TBC1D16: variants seen among roughly 807,000 people sequenced by gnomAD.
TBC1D16 encodes the protein CTD-2529O21.1.
TBC1D16 carries 58 observed loss-of-function variants against 74.7 expected under a neutral mutation model. The observed-to-expected ratio is 0.78, with a 90% CI of 0.63 to 0.97. TBC1D16 has a LOEUF of 0.97. Ranked by LOEUF, TBC1D16 falls within the 50% of genes least tolerant of loss-of-function variation. The probability of loss-of-function intolerance (pLI) is 0.00; values close to 1 mark genes in which losing one functional copy is unlikely to be tolerated. For synonymous variants in TBC1D16, 493 were observed against 474.7 expected, an observed-to-expected ratio of 1.04 and a Z score of -0.50; for missense variants, 1,014 against 1,079.5, an observed-to-expected ratio of 0.94 and a Z score of 0.85.
At chr17:79,960,921 G>C (rs2033587263) in intron 3 of TBC1D16, among the ~76,000 whole-genome samples, 1 of 151,568 alleles carries the variant, frequency 6.6e-6, no homozygotes, top group South Asian at 2.1e-4. Context: ...CTGTTTGGCA[G>C]TGTCTTATAA....
At chr17:79,952,518 G>T in intron 4 of TBC1D16, 139 bp downstream of exon 4, 1 of 1,097,292 alleles carries the variant, frequency 9.1e-7, no homozygotes, top group Non-Finnish European at 1.3e-6. Context: ...ATCAGCGAGG[G>T]AGGAAAGCAG....
Position 79,972,100 on chromosome 17 carries a change from G to A in TBC1D16, c.780-19282C>T, listed in dbSNP as rs151322326. ...AGGCTGAAGCAGCCCAGTGTCCATC[G>A]ATGGGTGAATGGAGAAAGAAAGTGT... On this transcript the variant is annotated intron_variant, in intron 3 of 11. Transcript: ENST00000310924. Among the ~76,000 whole-genome samples, 118 of 152,340 alleles carry A rather than the reference G, an allele frequency of 7.7e-4. No individual in the cohort carries two copies. The East Asian group carries it at 0.02, about 26-fold the overall frequency.
In TBC1D16 at chr17:80,010,410, AGGCTGGCTG is replaced by A. The variant is rs2035841714; in HGVS notation, c.520_528del (p.Gln174_Ala176del). On this transcript the variant is annotated inframe_deletion, in exon 3 of 12. Transcript: ENST00000310924. The surrounding 1 kb of genome is among the most constrained non-coding windows in gnomAD (Gnocchi z 8.8). The stretch of plus-strand genomic sequence containing the variant: ...CCGGAGGGGCTGCAAGCAGGCTGCG[AGGCTGGCTG>A]GGCACCATCCACCCCCAAGCCCTGC... 7 of 1,611,376 alleles carry A rather than the reference AGGCTGGCTG, an allele frequency of 4.3e-6. No homozygotes were observed. The African/African-American group carries it at 9.3e-5, about 22-fold the overall frequency.
At chr17:79,972,232 A>G (rs1434940419) in intron 3 of TBC1D16, among the ~76,000 whole-genome samples, 2 of 152,066 alleles carry the variant, frequency 1.3e-5, no homozygotes, top group African/African-American at 4.8e-5. Context: ...GCTGGAGTGC[A>G]GTGGCTCAAT....
intron 4 of TBC1D16, 54 bp from the exon 5 acceptor site, chr17:79,951,651 G>A (rs2033060981): frequency 6.3e-7 from 1 of 1,583,716 alleles, no homozygotes; most frequent in Admixed American, 1.7e-5. Context: ...GTAAACACGG[G>A]GGTTTTATTT....
chr17:79,955,337 G>A (rs944741755), intron 3 of TBC1D16, among the ~76,000 whole-genome samples: 1 of 152,128 alleles, frequency 6.6e-6, no homozygotes, highest in African/African-American at 2.4e-5. Flanking sequence ...CTGTGGGGTG[G>A]GGGTTGCATC....
intron 3 of TBC1D16, among the ~76,000 whole-genome samples, chr17:79,959,995 C>G (rs1299069656): frequency 6.6e-6 from 1 of 150,724 alleles, no homozygotes; most frequent in Non-Finnish European, 1.5e-5. Context: ...GTATAAGAAA[C>G]TGTTAAAATG....
In TBC1D16 at chr17:80,001,933, C is replaced by T. The variant is rs2035502549; in HGVS notation, c.779+8227G>A. On this transcript the variant is annotated intron_variant, in intron 3 of 11. Coordinates refer to ENST00000310924, the MANE Select transcript of TBC1D16 (RefSeq NM_019020.4). This position sits in a 1 kb window ranked among gnomAD's most constrained non-coding sequence, Gnocchi z 5.8. ...TCTGATTTGCTGGGCAGCTGCTGCG[C>T]CCCGGAACAAAGACGGGAAGGGCAA... Among the ~76,000 whole-genome samples, 2 of 152,104 alleles carry T rather than the reference C, an allele frequency of 1.3e-5. No individual in the cohort carries two copies.
intron 6 of TBC1D16, 24 bp from the exon 7 acceptor site, chr17:79,949,889 G>A (rs76544663): frequency 6.2e-7 from 1 of 1,606,900 alleles, no homozygotes; most frequent in Non-Finnish European, 8.5e-7. Flanking sequence ...CAAAAGTTGG[G>A]GAGGGGATAA....
rs1284702817 is a variant in TBC1D16 at position 79,994,559 on chromosome 17, G to T, written c.779+15601C>A. Among the ~76,000 whole-genome samples, 2 of 152,300 alleles carry T rather than the reference G, an allele frequency of 1.3e-5. No homozygotes were observed. The highest frequency in any genetic ancestry group is 3.9e-4 in the East Asian group (2 of 5,178). On this transcript the variant is annotated intron_variant, in intron 3 of 11. Transcript: ENST00000310924. The surrounding 1 kb of genome is among the most constrained non-coding windows in gnomAD (Gnocchi z 4.6). ...CTGTCTCAGCCTCCCAAGTAGCTGG[G>T]ATTACAGGTGTCTGCCACCACGCCC...
At chr17:80,024,705 CG>C (rs2036484016) in intron 1 of TBC1D16, among the ~76,000 whole-genome samples, 1 of 143,340 alleles carries the variant, frequency 7.0e-6, no homozygotes, top group Non-Finnish European at 1.5e-5. Flanking sequence ...ATGCCACACA[CG>C]ACACACCATA....
In TBC1D16 at chr17:79,950,360, C is replaced by T; in HGVS notation, c.1257+51G>A. The T allele has an allele frequency of 6.5e-7, 1 of 1,532,184 alleles. No homozygotes were observed. The allele number at this position is 1,532,184 out of a possible 1,614,324, so 94.9% of individuals were successfully genotyped here. On this transcript the variant is annotated intron_variant, in intron 6 of 11. Transcript: ENST00000310924. This position sits in a 1 kb window ranked among gnomAD's most constrained non-coding sequence, Gnocchi z 4.6. ...GCCCTCCTTCCCTCTCGCTCGTTCCCGGTTCCCGGCCGGCTCTCCGCGGGG... is the reference window on the plus strand; with the variant it reads ...GCCCTCCTTCCCTCTCGCTCGTTCCTGGTTCCCGGCCGGCTCTCCGCGGGG...
At chr17:80,032,894 A>G (rs1321737526) in intron 1 of TBC1D16, among the ~76,000 whole-genome samples, 1 of 152,198 alleles carries the variant, frequency 6.6e-6, no homozygotes, top group Non-Finnish European at 1.5e-5. Context: ...TCCCTCAGCC[A>G]GGGAAGAAGG....
intron 1 of TBC1D16, among the ~76,000 whole-genome samples, chr17:80,019,249 TACCATG>T: frequency 6.7e-6 from 1 of 150,268 alleles, no homozygotes; most frequent in African/African-American, 2.5e-5. Flanking sequence ...TTTTCTCCCA[TACCATG>T]ACAGGCAGAA....
chr17:79,942,475 G>GGCT (rs977396454), intron 10 of TBC1D16, among the ~76,000 whole-genome samples: 21 of 151,494 alleles, frequency 1.4e-4, no homozygotes, highest in African/African-American at 3.4e-4. Context: ...AGCCCCCACG[G>GGCT]GCTGCTGCTG....
At position 79,938,735 on chromosome 17, in the gene TBC1D16, A is replaced by T. The variant is rs1053072892; in HGVS notation, c.*2124T>A. The T allele has an allele frequency of 4.6e-5, 7 of 152,262 alleles. No homozygotes were observed. Among genetic ancestry groups the T allele is most frequent in the African/African-American group, 1.7e-4 (7 of 41,448 alleles). The allele number at this position is 152,262 out of a possible 1,614,324, so 9.4% of individuals were successfully genotyped here. On this transcript the variant is annotated 3_prime_UTR_variant, in exon 12 of 12. Coordinates refer to ENST00000310924, the MANE Select transcript of TBC1D16 (RefSeq NM_019020.4). ...GTGGCAGGCCTGTCCCCCACCCCTTAATGCTGAGCCCAGCCACGTGACTTG... is the reference window on the plus strand; with the variant it reads ...GTGGCAGGCCTGTCCCCCACCCCTTTATGCTGAGCCCAGCCACGTGACTTG...
intron 1 of TBC1D16, among the ~76,000 whole-genome samples, chr17:80,023,457 G>A (rs2036355370): frequency 6.7e-6 from 1 of 150,038 alleles, no homozygotes; most frequent in South Asian, 2.1e-4. Flanking sequence ...AAGCTCGTCA[G>A]AGACCCTTCC....
chr17:79,990,711 C>A lies in TBC1D16; in HGVS notation c.779+19449G>T, dbSNP rs924558120. On this transcript the variant is annotated intron_variant, in intron 3 of 11. Coordinates refer to ENST00000310924, the MANE Select transcript of TBC1D16 (RefSeq NM_019020.4). The surrounding 1 kb of genome is among the most constrained non-coding windows in gnomAD (Gnocchi z 4.8). ...ACCCATCTCCAGAACTCTCCTTCTTCCCAAACTGAAGCTTTGTCTCCATGA... is the reference window on the plus strand; with the variant it reads ...ACCCATCTCCAGAACTCTCCTTCTTACCAAACTGAAGCTTTGTCTCCATGA... Among the ~76,000 whole-genome samples, 3 of 152,330 alleles carry A rather than the reference C, an allele frequency of 2.0e-5. No homozygotes were observed. The highest frequency in any genetic ancestry group is 4.4e-5 in the Non-Finnish European group (3 of 68,026).
At chr17:80,024,910 ACACAC>A (rs2036494349) in intron 1 of TBC1D16, among the ~76,000 whole-genome samples, 1 of 118,802 alleles carries the variant, frequency 8.4e-6, no homozygotes, top group Non-Finnish European at 1.6e-5. Flanking sequence ...AACATCACAC[ACACAC>A]CACACACCAT....
Sources: gnomAD v4.1 joint callset for allele counts (sites outside exome capture counted in the v4.1 genomes callset) on GRCh38, gnomAD v4.1.1 for gene constraint, Gnocchi (gnomAD v3.1) non-coding constraint, MANE v1.5 for transcripts, NCBI Gene and HGNC (gene_info 2026-07-23, HGNC 2026-07-21) for gene names.